PCDHA1: variants seen among roughly 807,000 people sequenced by gnomAD.
PCDHA1 encodes the protein protocadherin alpha-1.
A neutral mutation model predicts 61.3 loss-of-function variants in PCDHA1; 42 were observed. The ratio of observed to expected loss-of-function variants is 0.69; its 90% CI spans 0.54 to 0.89. The LOEUF (loss-of-function observed/expected upper bound fraction) is 0.89, where lower values mean the gene tolerates loss of function less well. Among genes scored for constraint, PCDHA1 ranks in the 40% least tolerant of loss-of-function variants. The pLI is 0.00. For synonymous variants in PCDHA1, 610 were observed against 553.8 expected (o/e 1.10, Z -1.43); for missense variants, 1,256 against 1,235.3 (o/e 1.02, Z -0.25).
intron 1 of PCDHA1, among the ~76,000 whole-genome samples, chr5:140,954,765 C>T (rs1305270750): frequency 6.6e-6 from 1 of 152,064 alleles, no homozygotes; most frequent in Non-Finnish European, 1.5e-5. Context: ...TGCAGAAGCT[C>T]TTTAATTTAA....
intron 1 of PCDHA1, chr5:140,883,938 A>C (rs782647232): frequency 6.2e-7 from 1 of 1,613,360 alleles, no homozygotes; most frequent in East Asian, 2.2e-5. Context: ...TTCGTGCTGG[A>C]CGAGAACGAC....
In PCDHA1 at chr5:140,918,657, T is replaced by G. The variant is rs116489086; in HGVS notation, c.2395-60292T>G. Among the ~76,000 whole-genome samples, 1,219 of 152,370 alleles carry G rather than the reference T, an allele frequency of 8.0e-3. 6 individuals are homozygous for G. The highest frequency in any genetic ancestry group is 0.019 in the African/African-American group (787 of 41,596). ...CATAAATTGAAACCTAATTCTCATG[T>G]TGATGGTATGAAGAGGTGAGACCTT... On this transcript the variant is annotated intron_variant, in intron 1 of 3. Coordinates refer to ENST00000504120, the MANE Select transcript of PCDHA1 (RefSeq NM_018900.4).
At chr5:140,856,865 A>G in intron 1 of PCDHA1, 2 of 1,595,810 alleles carry the variant, frequency 1.3e-6, no homozygotes, top group African/African-American at 1.3e-5. Context: ...TGAAGGAATA[A>G]ACAAGGAAAT....
chr5:140,808,799 C>G lies in PCDHA1; in HGVS notation c.2394+20115C>G, dbSNP rs1207755540. On this transcript the variant is annotated intron_variant, in intron 1 of 3. Transcript: ENST00000504120. ...GCTGCTGCAGTTTCAGGTGACCGCT[C>G]GCGATGCCGGCGTGCCACCTCTGGG... 5 of 1,612,456 alleles carry G rather than the reference C, an allele frequency of 3.1e-6. No homozygotes were observed. In the East Asian group the frequency reaches 6.7e-5, roughly 22 times the overall value.
intron 3 of PCDHA1, among the ~76,000 whole-genome samples, chr5:140,995,339 G>A (rs782776966): frequency 1.3e-4 from 20 of 152,026 alleles, no homozygotes; most frequent in Non-Finnish European, 7.4e-5. Context: ...TAGTGTAGAC[G>A]GCATGGATAG....
chr5:140,928,478 A>G (rs1554205922), intron 1 of PCDHA1: 1 of 1,614,132 alleles, frequency 6.2e-7, no homozygotes, highest in East Asian at 2.2e-5. Context: ...GAAGGCCGGG[A>G]TGGTGGCATT....
intron 1 of PCDHA1, among the ~76,000 whole-genome samples, chr5:140,904,727 A>G (rs953402398): frequency 7.2e-5 from 11 of 151,992 alleles, no homozygotes; most frequent in African/African-American, 2.4e-4. Flanking sequence ...GCCAACATCT[A>G]TTATTTTTTT....
At chr5:140,976,597 G>A (rs1477005420) in intron 1 of PCDHA1, among the ~76,000 whole-genome samples, 1 of 152,062 alleles carries the variant, frequency 6.6e-6, no homozygotes, top group South Asian at 2.1e-4. Flanking sequence ...TTTGTGTTAA[G>A]GGGACCTAAA....
At chr5:140,969,584 G>C in intron 1 of PCDHA1, 1 of 907,936 alleles carries the variant, frequency 1.1e-6, no homozygotes, top group Non-Finnish European at 1.6e-6. Context: ...GTGAGGATTA[G>C]TCTTAATATT....
chr5:140,983,897 G>A (rs155365), intron 3 of PCDHA1, among the ~76,000 whole-genome samples: 149,305 of 152,360 alleles, frequency 0.98, 73,183 homozygotes, highest in Middle Eastern at 1. Flanking sequence ...AAGGGCATTC[G>A]TTGATTCTAA....
intron 1 of PCDHA1, among the ~76,000 whole-genome samples, chr5:140,924,406 C>T (rs1353288147): frequency 6.6e-6 from 1 of 152,132 alleles, no homozygotes; most frequent in Non-Finnish European, 1.5e-5. Context: ...CCTTATATCA[C>T]AGTGTGCCCT....
At chr5:140,884,941 C>T (rs1326188943) in intron 1 of PCDHA1, among the ~76,000 whole-genome samples, 1 of 152,116 alleles carries the variant, frequency 6.6e-6, no homozygotes, top group Admixed American at 6.5e-5. Context: ...TGCAATTGAG[C>T]ATTTACAAAA....
chr5:140,990,611 G>T lies in PCDHA1; in HGVS notation c.2542+8048G>T, dbSNP rs577900189. ...AATCACCTGGAGTCAGATGAATACCGTAAAGGTCTGTGGTAAGACTAGAAG... is the reference window on the plus strand; with the variant it reads ...AATCACCTGGAGTCAGATGAATACCTTAAAGGTCTGTGGTAAGACTAGAAG... On this transcript the variant is annotated intron_variant, in intron 3 of 3. Transcript: ENST00000504120. 5.3e-5 allele frequency among the ~76,000 whole-genome samples: 8 copies of T among 152,230 alleles called. No homozygotes were observed. In the East Asian group the frequency reaches 9.6e-4, roughly 18 times the overall value.
In PCDHA1 at chr5:140,978,000, T is replaced by G. The variant is rs564788160; in HGVS notation, c.2395-949T>G. 2.0e-5 allele frequency among the ~76,000 whole-genome samples: 3 copies of G among 152,212 alleles called. No homozygotes were observed. In the South Asian group the frequency reaches 6.2e-4, roughly 32 times the overall value. On this transcript the variant is annotated intron_variant, in intron 1 of 3. Coordinates refer to ENST00000504120, the MANE Select transcript of PCDHA1 (RefSeq NM_018900.4). ...AACGCATCTAGAGGAGTGTCACAAG[T>G]TTTTCACAGTGACATTTTTGCTTAC...
At chr5:140,804,322 TTAA>T (rs1302399860) in intron 1 of PCDHA1, 1 of 152,090 alleles carries the variant, frequency 6.6e-6, no homozygotes, top group Non-Finnish European at 1.5e-5. Context: ...TAATACTACT[TTAA>T]TAATACTACT....
At chr5:140,806,888 T>C (rs1480925062) in intron 1 of PCDHA1, 4 of 435,694 alleles carry the variant, frequency 9.2e-6, no homozygotes, top group Middle Eastern at 3.1e-4. Flanking sequence ...ACAAAATGTA[T>C]TCCTATTCTC....
At chr5:140,902,176 C>T (rs1488205989) in intron 1 of PCDHA1, among the ~76,000 whole-genome samples, 1 of 146,420 alleles carries the variant, frequency 6.8e-6, no homozygotes, top group Non-Finnish European at 1.5e-5. Context: ...TTTGGATGTC[C>T]TTTATGTCTT....
chr5:140,802,857 T>A (rs567006708), intron 1 of PCDHA1: 2 of 1,613,308 alleles, frequency 1.2e-6, no homozygotes, highest in Non-Finnish European at 1.7e-6. Flanking sequence ...GCTGCAGGTG[T>A]TCGTGCTGGA....
At chr5:140,824,423 T>G in intron 1 of PCDHA1, 1 of 504,742 alleles carries the variant, frequency 2.0e-6, no homozygotes, top group Non-Finnish European at 3.5e-6. Flanking sequence ...TTTGGAGTCA[T>G]TCTCAAAGTT....
Sources: gnomAD v4.1 joint callset for allele counts (sites outside exome capture counted in the v4.1 genomes callset) on GRCh38, gnomAD v4.1.1 for gene constraint, MANE v1.5 for transcripts, NCBI Gene and HGNC (gene_info 2026-07-23, HGNC 2026-07-21) for gene names.